Variants in GHSR observed in about 807,000 individuals in gnomAD.
The protein encoded by GHSR is growth hormone secretagogue receptor.
A neutral mutation model predicts 24.0 loss-of-function variants in GHSR; 17 were observed. That is an observed-to-expected ratio of 0.71 (90% CI 0.49 to 1.06). The LOEUF (loss-of-function observed/expected upper bound fraction) is 1.06, where lower values mean the gene tolerates loss of function less well. GHSR is among the 50% of genes least tolerant of loss of function. GHSR has a pLI of 0.00. For missense variants in GHSR, 504 were observed against 483.1 expected, an observed-to-expected ratio of 1.04 and a Z score of -0.41; for synonymous variants, 238 against 208.1, an observed-to-expected ratio of 1.14 and a Z score of -1.24.
In GHSR at chr3:172,447,603, C is replaced by T. The variant is rs1010689066; in HGVS notation, c.796+15G>A. The T allele has an allele frequency of 1.2e-6, 2 of 1,612,742 alleles. No individual in the cohort carries two copies. Among genetic ancestry groups the T allele is most frequent in the African/African-American group, 2.7e-5 (2 of 74,956 alleles). ...GGACCCGCGAGAGAAAGCCTGAGCGCGCGCTGAGACCCACCCAGCATTTTC... is the reference window on the plus strand; with the variant it reads ...GGACCCGCGAGAGAAAGCCTGAGCGTGCGCTGAGACCCACCCAGCATTTTC... On this transcript the variant is annotated intron_variant, in intron 1 of 1. Transcript: ENST00000241256.
In GHSR at chr3:172,445,021, T is replaced by C; in HGVS notation, c.*140A>G. ...CAAACTGCTCACACCCTACAAATGA[T>C]ATCTTTTTTCCCTCCCAGATGTTTC... is the stretch of plus-strand genomic sequence containing the variant. On this transcript the variant is annotated 3_prime_UTR_variant, in exon 2 of 2. Coordinates refer to ENST00000241256, the MANE Select transcript of GHSR (RefSeq NM_198407.2). 2 of 910,136 alleles carry C rather than the reference T, an allele frequency of 2.2e-6. No individual in the cohort carries two copies. Among genetic ancestry groups the C allele is most frequent in the Admixed American group, 1.8e-5 (1 of 55,410 alleles). 56.4% of individuals were successfully genotyped at this position (910,136 alleles called of 1,614,324 possible). A position where few individuals can be genotyped will look rare whatever the true frequency, so the allele number is the denominator to read the frequency against.
At position 172,443,545 on chromosome 3, in the gene GHSR, A is replaced by G. The variant is rs1301137559; in HGVS notation, c.*1616T>C. ...GGAATTTCCCTAAATGGTTCCATCC[A>G]TTCCATAGTTGTGAACCAATAACTT... On this transcript the variant is annotated 3_prime_UTR_variant, in exon 2 of 2. Transcript: ENST00000241256. Among the ~76,000 whole-genome samples the G allele has an allele frequency of 6.6e-6, 1 of 152,210 alleles. No individual in the cohort carries two copies. The highest frequency in any genetic ancestry group is 1.5e-5 in the Non-Finnish European group (1 of 68,028).
At chr3:172,446,762 C>G (rs1303975561) in intron 1 of GHSR, among the ~76,000 whole-genome samples, 1 of 152,178 alleles carries the variant, frequency 6.6e-6, no homozygotes, top group Admixed American at 6.5e-5. Flanking sequence ...TGACATTGTG[C>G]CCAGATGTTC....
rs751701685 is a variant in GHSR at position 172,448,228 on chromosome 3, C to T, written c.186G>A (p.Leu62=). ...AGCGCGACACCACCAGCATGGTGAG[C>T]AGGTTGCCAGCGATGCCCACCACGA... The part of the protein sequence containing the change: ...ALFVVGIAGN[L]LTMLVVSRFR... The change falls in exon 1 of 2, where the codon CTG becomes CTA. Residue 62 remains leucine (L), a synonymous_variant. Transcript: ENST00000241256. The surrounding 1 kb of genome is among the most constrained non-coding windows in gnomAD (Gnocchi z 4.8). The T allele has an allele frequency of 6.2e-7, 1 of 1,614,078 alleles. No homozygotes were observed. Among genetic ancestry groups the T allele is most frequent in the South Asian group, 1.1e-5 (1 of 91,092 alleles).
rs761706124 is a variant in GHSR, at chr3:172,448,376, T to C, written c.38A>G (p.Asn13Ser). 4.4e-6 allele frequency: 7 copies of C among 1,599,598 alleles called. No homozygotes were observed. The Admixed American group carries it at 5.0e-5, about 11-fold the overall frequency. ...CCAGTCCAGGTCGGCCAGTGTGAGG[T>C]TGAACCCCGGCTCTTCGCTGGGCGT... is the stretch of plus-strand genomic sequence containing the variant. ...NATPSEEPGF[N>S]LTLADLDWDA... Residue 13 changes from asparagine (N) to serine (S), a missense_variant, in exon 1 of 2, where the codon AAC becomes AGC. Transcript: ENST00000241256. The surrounding 1 kb of genome is among the most constrained non-coding windows in gnomAD (Gnocchi z 4.8).
intron 1 of GHSR, among the ~76,000 whole-genome samples, chr3:172,446,239 T>C (rs1274532775): frequency 1.3e-5 from 2 of 152,188 alleles, no homozygotes; most frequent in South Asian, 2.1e-4. Flanking sequence ...AAAGTTAACA[T>C]TGGTGTTGAG....
Position 172,444,940 on chromosome 3 carries a change from A to G in GHSR, c.*221T>C, listed in dbSNP as rs1025894284. 6.6e-6 allele frequency among the ~76,000 whole-genome samples: 1 copy of G among 152,224 alleles called. No homozygotes were observed. Among genetic ancestry groups the G allele is most frequent in the African/African-American group, 2.4e-5 (1 of 41,458 alleles). On this transcript the variant is annotated 3_prime_UTR_variant, in exon 2 of 2. Transcript: ENST00000241256. The stretch of plus-strand genomic sequence containing the variant: ...CACCCGCAGCAGAATGCAAAATCAT[A>G]GACAGTGAATATGCAGAAATAGTGT...
rs1477590882 is a variant in GHSR at position 172,445,185 on chromosome 3, C to T, written c.1077G>A (p.Trp359Ter). 1.2e-6 allele frequency: 2 copies of T among 1,614,124 alleles called. No homozygotes were observed. Among genetic ancestry groups the T allele is most frequent in the Middle Eastern group, 1.6e-4 (1 of 6,062 alleles). ...GTCATGTATTAATACTAGATTCTGT[C>T]CAGGCCCGAGAACTTTCATCTTTCA... Reference protein sequence around the residue: ...STLKDESSRAWTESSINT With the variant: ...STLKDESSRA The change falls in exon 2 of 2, where the codon TGG becomes TGA. Residue 359 changes from tryptophan (W) to a stop codon, truncating the protein, a stop_gained. Transcript: ENST00000241256. LOFTEE classifies it high-confidence loss of function.
chr3:172,445,125 A>C lies in GHSR; in HGVS notation c.*36T>G. On this transcript the variant is annotated 3_prime_UTR_variant, in exon 2 of 2. Transcript: ENST00000241256. ...TGCTGTGCTATGTCTTCCGGTTTAG[A>C]GTAATAAGCGGTGACTGTACTCGCA... 6 of 1,610,244 alleles carry C rather than the reference A, an allele frequency of 3.7e-6. No homozygotes were observed. The highest frequency in any genetic ancestry group is 5.1e-6 in the Non-Finnish European group (6 of 1,176,796).
In GHSR at chr3:172,448,157, G is replaced by C. The variant is rs745521758; in HGVS notation, c.257C>G (p.Ala86Gly). The change falls in exon 1 of 2, where the codon GCC becomes GGC. Residue 86 changes from alanine (A) to glycine (G), a missense_variant. By Grantham distance (60) the Ala-to-Gly change is moderately conservative. Transcript: ENST00000241256. This position sits in a 1 kb window ranked among gnomAD's most constrained non-coding sequence, Gnocchi z 4.8. ...TTTNLYLSSM[A>G]FSDLLIFLCM... ...GAGGAAGATGAGCAGATCGGAGAAG[G>C]CCATGCTGGACAGGTAGAGGTTGGT... 1.2e-6 allele frequency: 2 copies of C among 1,614,124 alleles called. No homozygotes were observed. The highest frequency in any genetic ancestry group is 2.7e-5 in the African/African-American group (2 of 74,946).
In GHSR at chr3:172,448,255, G is replaced by A; in HGVS notation, c.159C>T (p.Leu53=). Residue 53 remains leucine, a synonymous_variant, in exon 1 of 2, where the codon CTC becomes CTT. Coordinates refer to ENST00000241256, the MANE Select transcript of GHSR (RefSeq NM_198407.2). The surrounding 1 kb of genome is among the most constrained non-coding windows in gnomAD (Gnocchi z 4.8). The part of the protein sequence containing the change: ...LAGVTATCVA[L]FVVGIAGNLL... ...GGTTGCCAGCGATGCCCACCACGAA[G>A]AGTGCCACGCAGGTGGCTGTGACGC... The A allele has an allele frequency of 1.2e-6, 2 of 1,613,744 alleles. No homozygotes were observed. Among genetic ancestry groups the A allele is most frequent in the Admixed American group, 1.7e-5 (1 of 60,036 alleles).
At position 172,447,398 on chromosome 3, in the gene GHSR, G is replaced by C. The variant is rs974602006; in HGVS notation, c.796+220C>G. The C allele has an allele frequency of 4.4e-6, 4 of 908,752 alleles. No homozygotes were observed. The African/African-American group carries it at 7.0e-5, about 16-fold the overall frequency. 56.3% of individuals were successfully genotyped at this position (908,752 alleles called of 1,614,324 possible). The stretch of plus-strand genomic sequence containing the variant: ...AAAGTAAAGGGGGAGGAGAGAGAGA[G>C]ACAGAGACAGAGAGAAAGATTGAGA... On this transcript the variant is annotated intron_variant, in intron 1 of 1. Coordinates refer to ENST00000241256, the MANE Select transcript of GHSR (RefSeq NM_198407.2).
chr3:172,445,079 C>T lies in GHSR; in HGVS notation c.*82G>A. 6.7e-7 allele frequency: 1 copy of T among 1,501,064 alleles called. No homozygotes were observed. Among genetic ancestry groups the T allele is most frequent in the Middle Eastern group, 1.7e-4 (1 of 5,862 alleles). 93.0% of individuals were successfully genotyped at this position (1,501,064 alleles called of 1,614,324 possible). On this transcript the variant is annotated 3_prime_UTR_variant, in exon 2 of 2. Coordinates refer to ENST00000241256, the MANE Select transcript of GHSR (RefSeq NM_198407.2). ...ATGTGTTCCTAATTCCAAAATTAACCTTCAGCTTCCTCCCAAGTTCTGCTG... is the reference window on the plus strand; with the variant it reads ...ATGTGTTCCTAATTCCAAAATTAACTTTCAGCTTCCTCCCAAGTTCTGCTG...
At position 172,445,344 on chromosome 3, in the gene GHSR, G is replaced by A. The variant is rs774373607; in HGVS notation, c.918C>T (p.Leu306=). The A allele has an allele frequency of 1.9e-6, 3 of 1,614,152 alleles. No individual in the cohort carries two copies. Among genetic ancestry groups the A allele is most frequent in the Non-Finnish European group, 2.5e-6 (3 of 1,180,022 alleles). ...EIAQISQYCN[L]VSFVLFYLSA... is the part of the protein sequence containing the mutation. ...TGAGGTAGAAGAGGACAAAGGACAC[G>A]AGGTTGCAGTACTGGCTGATCTGAG... The change falls in exon 2 of 2, where the codon CTC becomes CTT. Residue 306 remains leucine (L), a synonymous_variant. Transcript: ENST00000241256.
At chr3:172,445,489 T>C (rs200032485) in intron 1 of GHSR, 24 bp from the exon 2 acceptor site, 29 of 1,601,276 alleles carry the variant, frequency 1.8e-5, no homozygotes, top group Middle Eastern at 4.3e-4. Flanking sequence ...GGGAGAGAGA[T>C]AGTCAGCTCA....
At chr3:172,447,479 A>C in intron 1 of GHSR, 139 bp downstream of exon 1, 2 of 1,504,208 alleles carry the variant, frequency 1.3e-6, no homozygotes, top group Non-Finnish European at 1.8e-6. Flanking sequence ...AGAAACGCAG[A>C]GAGACAGAGG....
In GHSR at chr3:172,447,665, C is replaced by A; in HGVS notation, c.749G>T (p.Gly250Val). ...WRRRRGDAVV[G>V]ASLRDQNHKQ... ...GTGGTTCTGGTCCCTGAGCGAGGCA[C>A]CCACGACAGCATCGCCGCGCCTCCT... Residue 250 changes from glycine to valine, a missense_variant, in exon 1 of 2, where the codon GGT becomes GTT. Physicochemically the swap from Gly to Val is moderately radical, Grantham distance 109. Transcript: ENST00000241256. 1 of 1,614,090 alleles carries A rather than the reference C, an allele frequency of 6.2e-7. No homozygotes were observed. The highest frequency in any genetic ancestry group is 8.5e-7 in the Non-Finnish European group (1 of 1,180,016).
intron 1 of GHSR, among the ~76,000 whole-genome samples, chr3:172,446,643 G>C (rs1737469026): frequency 6.6e-6 from 1 of 152,202 alleles, no homozygotes; most frequent in Non-Finnish European, 1.5e-5. Flanking sequence ...TGCAAGTAGA[G>C]TTAATATTTT....
rs764653785 is a variant in GHSR at position 172,447,661 on chromosome 3, G to A, written c.753C>T (p.Ala251=). The change falls in exon 1 of 2, where the codon GCC becomes GCT. Residue 251 remains alanine (A), a synonymous_variant. Transcript: ENST00000241256. ...GCTTGTGGTTCTGGTCCCTGAGCGA[G>A]GCACCCACGACAGCATCGCCGCGCC... The part of the protein sequence containing the change: ...RRRRGDAVVG[A]SLRDQNHKQT... 6.2e-7 allele frequency: 1 copy of A among 1,614,092 alleles called. No homozygotes were observed. The highest frequency in any genetic ancestry group is 8.5e-7 in the Non-Finnish European group (1 of 1,180,016).
Sources: gnomAD v4.1 joint callset for allele counts (sites outside exome capture counted in the v4.1 genomes callset) on GRCh38, gnomAD v4.1.1 for gene constraint, Gnocchi (gnomAD v3.1) non-coding constraint, MANE v1.5 for transcripts, NCBI Gene and HGNC (gene_info 2026-07-23, HGNC 2026-07-21) for gene names.